Variants in RNPS1 observed in about 807,000 individuals in gnomAD.
RNPS1 encodes RNA-binding protein with serine-rich domain 1.
For missense variants in RNPS1, 300 were observed against 427.6 expected, an observed-to-expected ratio of 0.70 and a Z score of 2.63; for synonymous variants, 147 against 150.0, an observed-to-expected ratio of 0.98 and a Z score of 0.15.
At chr16:2,256,784 T>G (rs950227914) in intron 6 of RNPS1, 4 of 152,184 alleles carry the variant, frequency 2.6e-5, no homozygotes, top group Non-Finnish European at 4.4e-5. Context: ...CAAGGGAAGC[T>G]GGGTCTGGGG....
rs576414034 is a variant in RNPS1, at chr16:2,267,749, C to T, written c.-118+306G>A. 1,072 of 1,316,140 alleles carry T rather than the reference C, an allele frequency of 8.1e-4. 16 individuals carry two copies. The African/African-American group carries it at 0.015, about 18-fold the overall frequency. 81.5% of individuals were successfully genotyped at this position (1,316,140 alleles called of 1,614,324 possible). The stretch of plus-strand genomic sequence containing the variant: ...TTGGGTCTCCGGCCCGGCGGGAGGG[C>T]CCCAAGGGCGGAGGCCGCGCTCCCC... On this transcript the variant is annotated intron_variant, in intron 1 of 7. Transcript: ENST00000320225.
intron 6 of RNPS1, among the ~76,000 whole-genome samples, chr16:2,259,345 AATAATT>A (rs2093592480): frequency 1.3e-5 from 2 of 152,352 alleles, no homozygotes; most frequent in East Asian, 3.9e-4. Flanking sequence ...CATGATCAGT[AATAATT>A]ATAATTGTTA....
intron 1 of RNPS1, 46 bp from the exon 2 acceptor site, chr16:2,264,806 G>A: frequency 7.0e-7 from 1 of 1,421,556 alleles, no homozygotes; most frequent in Non-Finnish European, 9.2e-7. Flanking sequence ...AATTGGCAAG[G>A]CAACAAGTCT....
In RNPS1 at chr16:2,263,078, C is replaced by CA. The variant is rs769590210; in HGVS notation, c.419+17dup. On this transcript the variant is annotated intron_variant, in intron 4 of 7. Transcript: ENST00000320225. ...CCCCGAGCTTGTAAACTTTAGCTCC[C>CA]AGGCGCAGGGCACTCACTTGGAGCG... 6.2e-7 allele frequency: 1 copy of CA among 1,608,926 alleles called. No individual in the cohort carries two copies. Among genetic ancestry groups the CA allele is most frequent in the South Asian group, 1.1e-5 (1 of 90,842 alleles).
At chr16:2,254,130 G>T in intron 7 of RNPS1, 67 bp from the exon 8 acceptor site, 1 of 1,147,938 alleles carries the variant, frequency 8.7e-7, no homozygotes, top group Non-Finnish European at 1.2e-6. Flanking sequence ...TTCTTTCTGG[G>T]CAATTCCCCA....
chr16:2,254,478 T>C (rs955433761), intron 7 of RNPS1, among the ~76,000 whole-genome samples: 1 of 152,008 alleles, frequency 6.6e-6, no homozygotes, highest in Non-Finnish European at 1.5e-5. Context: ...TTGTTTTTTT[T>C]AGTAGTGACG....
At chr16:2,267,513 T>G in intron 1 of RNPS1, 1 of 1,008,830 alleles carries the variant, frequency 9.9e-7, no homozygotes, top group Non-Finnish European at 1.2e-6. Context: ...CACACGGGAG[T>G]CCGGGAAACG....
chr16:2,264,261 C>T lies in RNPS1; in HGVS notation c.142G>A (p.Ala48Thr). ...KSKDRSKDKGATKESSEKDRG... is the reference protein window; with the variant it reads ...KSKDRSKDKGTTKESSEKDRG... ...TCCTTCTCACTCGACTCCTTGGTGG[C>T]CCCTTTATCTTTTGAGCGATCCTTG... Residue 48 changes from alanine (A) to threonine (T), a missense_variant, in exon 3 of 8, where the codon GCC becomes ACC. Transcript: ENST00000320225. 2 of 1,614,158 alleles carry T rather than the reference C, an allele frequency of 1.2e-6. No individual in the cohort carries two copies. Among genetic ancestry groups the T allele is most frequent in the East Asian group, 4.5e-5 (2 of 44,892 alleles).
chr16:2,260,463 A>C (rs1033200611), intron 6 of RNPS1, among the ~76,000 whole-genome samples: 1 of 152,198 alleles, frequency 6.6e-6, no homozygotes, highest in African/African-American at 2.4e-5. Flanking sequence ...CGTAAGTGCA[A>C]TAAAAATCCG....
chr16:2,262,941 A>G lies in RNPS1; in HGVS notation c.420-99T>C, dbSNP rs1459927681. ...CTTATCTGCTTGTGTGACAGTTTTC[A>G]TAAGGAAGACTTTCCTGCTAGTTCA... is the stretch of plus-strand genomic sequence containing the variant. On this transcript the variant is annotated intron_variant, in intron 4 of 7. Transcript: ENST00000320225. The G allele has an allele frequency of 8.3e-5, 109 of 1,319,838 alleles. 1 individual carries two copies. In the South Asian group the frequency reaches 1.3e-3, roughly 15 times the overall value. 81.8% of individuals were successfully genotyped at this position (1,319,838 alleles called of 1,614,324 possible). A position where few individuals can be genotyped will look rare whatever the true frequency, so the allele number is the denominator to read the frequency against.
chr16:2,263,857 T>G (rs1372280652), intron 3 of RNPS1: 5 of 316,774 alleles, frequency 1.6e-5, no homozygotes, highest in Non-Finnish European at 3.0e-5. Flanking sequence ...GGACTACAGA[T>G]GCATGCCACC....
At chr16:2,259,564 A>T (rs2093593505) in intron 6 of RNPS1, among the ~76,000 whole-genome samples, 2 of 152,220 alleles carry the variant, frequency 1.3e-5, no homozygotes, top group African/African-American at 4.8e-5. Context: ...TTGTGACATC[A>T]GAATAAAGAA....
intron 7 of RNPS1, among the ~76,000 whole-genome samples, chr16:2,255,066 G>C (rs1242565441): frequency 6.6e-6 from 1 of 152,060 alleles, no homozygotes; most frequent in Non-Finnish European, 1.5e-5. Flanking sequence ...CTAGAAGTTG[G>C]GACAGGTCCC....
rs1260689639 is a variant in RNPS1 at position 2,254,149 on chromosome 16, CTTT to C, written c.819-89_819-87del. On this transcript the variant is annotated intron_variant, in intron 7 of 7. Coordinates refer to ENST00000320225, the MANE Select transcript of RNPS1 (RefSeq NM_080594.4). The stretch of plus-strand genomic sequence containing the variant: ...TTCTGGGCAATTCCCCATAGTTTTA[CTTT>C]TTGAGATGGAATATCACTCTGTCTC... 4.0e-6 allele frequency: 4 copies of C among 1,007,156 alleles called. No individual in the cohort carries two copies. In the African/African-American group the frequency reaches 6.6e-5, roughly 17 times the overall value. The allele number at this position is 1,007,156 out of a possible 1,614,324, so 62.4% of individuals were successfully genotyped here.
chr16:2,266,483 A>C (rs2093625694), intron 1 of RNPS1: 1 of 951,642 alleles, frequency 1.1e-6, no homozygotes, highest in African/African-American at 1.8e-5. Context: ...CAAGTCACTT[A>C]TCCTTTCTCA....
chr16:2,259,284 T>C (rs2093592110), intron 6 of RNPS1, among the ~76,000 whole-genome samples: 1 of 152,228 alleles, frequency 6.6e-6, no homozygotes. Context: ...GTTATTGATA[T>C]GTGTCCCAAA....
chr16:2,256,504 G>A (rs2093579007), intron 6 of RNPS1: 2 of 152,376 alleles, frequency 1.3e-5, no homozygotes, highest in African/African-American at 2.4e-5. Flanking sequence ...GTTGCAGTGA[G>A]CTGACATCAT....
intron 1 of RNPS1, chr16:2,267,564 G>A: frequency 1.9e-6 from 2 of 1,054,484 alleles, no homozygotes; most frequent in African/African-American, 1.7e-5. Context: ...CCGAAGGGGG[G>A]ATCGGCCGAC....
rs184865079 is a variant in RNPS1 at position 2,256,112 on chromosome 16, C to T, written c.677-386G>A. ...TACACTCCAGCCTGGGTAACAAGAG[C>T]GAAACTCCGTCTCAAAAAAAAAAAG... On this transcript the variant is annotated intron_variant, in intron 6 of 7. Transcript: ENST00000320225. 158 of 184,522 alleles carry T rather than the reference C, an allele frequency of 8.6e-4. 1 individual carries two copies. Among genetic ancestry groups the T allele is most frequent in the African/African-American group, 3.4e-3 (142 of 41,530 alleles). The allele number at this position is 184,522 out of a possible 1,614,324, so 11.4% of individuals were successfully genotyped here.
Sources: gnomAD v4.1 joint callset for allele counts (sites outside exome capture counted in the v4.1 genomes callset) on GRCh38, gnomAD v4.1.1 for gene constraint, MANE v1.5 for transcripts, NCBI Gene and HGNC (gene_info 2026-07-23, HGNC 2026-07-21) for gene names.